The following THBS4 variants were observed in gnomAD, a reference collection of about 807,000 sequenced individuals.
The protein encoded by THBS4 is thrombospondin 4, also known as thrombospondin-4.
A neutral mutation model predicts 115.7 loss-of-function variants in THBS4; 90 were observed. The ratio of observed to expected loss-of-function variants is 0.78; its 90% confidence interval spans 0.66 to 0.93. The LOEUF is 0.93. Ranked by LOEUF, THBS4 falls within the 40% of genes least tolerant of loss-of-function variation. The pLI, the probability that THBS4 is intolerant of heterozygous loss-of-function variation, is 0.00. For missense variants in THBS4, 1,087 were observed against 1,232.7 expected (o/e 0.88, Z 1.77); for synonymous variants, 460 against 479.3 (o/e 0.96, Z 0.53).
At chr5:80,037,986 C>T (rs953060056) in intron 1 of THBS4, among the ~76,000 whole-genome samples, 2 of 152,234 alleles carry the variant, frequency 1.3e-5, no homozygotes, top group Non-Finnish European at 2.9e-5. Flanking sequence ...TGTGTAAGGA[C>T]CCCTGGTACA....
intron 2 of THBS4, chr5:80,053,045 T>C (rs1833302471): frequency 6.6e-6 from 1 of 152,074 alleles, no homozygotes; most frequent in South Asian, 2.1e-4. Flanking sequence ...GTTAAAACAA[T>C]GAAGATGAGC....
In THBS4 at chr5:80,079,135, A is replaced by T. The variant is rs747872624; in HGVS notation, c.2388A>T (p.Ala796=). 1 of 1,614,218 alleles carries T rather than the reference A, an allele frequency of 6.2e-7. No individual in the cohort carries two copies. Among genetic ancestry groups the T allele is most frequent in the South Asian group, 1.1e-5 (1 of 91,080 alleles). Residue 796 remains alanine (A), a synonymous_variant, in exon 19 of 22, where the codon GCA becomes GCT. Transcript: ENST00000350881. The stretch of plus-strand genomic sequence containing the variant: ...ATACCCAGACAGATGATGACTATGC[A>T]GGCTTTATCTTTGGCTACCAAGATA... ...HVNTQTDDDY[A]GFIFGYQDSS... is the part of the protein sequence containing the mutation.
intron 20 of THBS4, 46 bp downstream of exon 20, chr5:80,080,123 T>G: frequency 6.4e-7 from 1 of 1,573,762 alleles, no homozygotes; most frequent in Non-Finnish European, 8.6e-7. Context: ...AAGCAAAGCA[T>G]TCTCCGTTCT....
At chr5:79,995,637 A>G (rs1831776223) in intron 1 of THBS4, among the ~76,000 whole-genome samples, 1 of 152,140 alleles carries the variant, frequency 6.6e-6, no homozygotes, top group South Asian at 2.1e-4. Context: ...AATTGCCCTA[A>G]GAGTTGAGGC....
chr5:80,075,375 A>AG (rs1177961411), intron 15 of THBS4: 1 of 152,176 alleles, frequency 6.6e-6, no homozygotes, highest in East Asian at 1.9e-4. Context: ...ATGTAGGTAA[A>AG]GCTCCCGGCA....
At chr5:80,034,266 T>C (rs1352748851), upstream of THBS4, among the ~76,000 whole-genome samples, 1 of 152,182 alleles carries the variant, frequency 6.6e-6, no homozygotes, top group Non-Finnish European at 1.5e-5. Flanking sequence ...CTCACAAATC[T>C]CCAAGTCGCT....
At chr5:80,027,894 CA>C (rs1159986888) in intron 2 of THBS4, among the ~76,000 whole-genome samples, 352 of 47,718 alleles carry the variant, frequency 7.4e-3, no homozygotes, top group Middle Eastern at 0.016. Flanking sequence ...ACCCTGTCTC[CA>C]AAAAAAAAAA....
rs772256344 is a variant in THBS4, at chr5:80,078,967, T to TGG, written c.2314_2314+1dup. On this transcript the variant is annotated frameshift_variant and splice_region_variant, in exon 18 of 22. Transcript: ENST00000350881. LOFTEE classifies it high-confidence loss of function. ...ATGAACAGTGATCCTGGCCTGGCAG[T>TGG]GGGTATGTCCAGGGCCTCAGTTGCC... 2 of 1,614,120 alleles carry TGG rather than the reference T, an allele frequency of 1.2e-6. No homozygotes were observed. The highest frequency in any genetic ancestry group is 1.7e-6 in the Non-Finnish European group (2 of 1,179,978).
intron 2 of THBS4, among the ~76,000 whole-genome samples, chr5:80,029,887 G>A (rs984567899): frequency 1.3e-5 from 2 of 151,858 alleles, no homozygotes; most frequent in African/African-American, 2.4e-5. Context: ...GGAGAATGGC[G>A]TGAACCCGGG....
intron 15 of THBS4, chr5:80,075,517 A>C (rs1743161147): frequency 6.6e-6 from 1 of 152,196 alleles, no homozygotes; most frequent in South Asian, 2.1e-4. Context: ...GGAAGGTGGG[A>C]CTGTATCCTG....
rs1445139227 is a variant in THBS4 at position 80,059,848 on chromosome 5, T to A, written c.930T>A (p.Cys310Ter). The A allele has an allele frequency of 6.2e-7, 1 of 1,614,128 alleles. No individual in the cohort carries two copies. The highest frequency in any genetic ancestry group is 1.3e-5 in the African/African-American group (1 of 75,026). The change falls in exon 7 of 22, where the codon TGT becomes TGA. Residue 310 changes from cysteine (C) to a stop codon, truncating the protein, a stop_gained. Transcript: ENST00000350881. LOFTEE classifies it high-confidence loss of function. ...CCGACAGTAGAGATGGCTTCCAGTG[T>A]GGGCCCTGCCCCGAGGGCTACACAG... ...QCTDSRDGFQ[C>*]GPCPEGYTGN...
chr5:80,072,462 C>T lies in THBS4; in HGVS notation c.1839+66C>T, dbSNP rs1004846184. ...CCTCTATGCAAAGACTCATTTAAGACGGGTGTCTAGAAAAACAGCAGAGCC... is the reference window on the plus strand; with the variant it reads ...CCTCTATGCAAAGACTCATTTAAGATGGGTGTCTAGAAAAACAGCAGAGCC... On this transcript the variant is annotated intron_variant, in intron 14 of 21. Coordinates refer to ENST00000350881, the MANE Select transcript of THBS4 (RefSeq NM_003248.6). The T allele has an allele frequency of 2.9e-5, 42 of 1,432,578 alleles. 2 individuals are homozygous for T. The highest frequency in any genetic ancestry group is 1.3e-4 in the South Asian group (11 of 85,530). The allele number at this position is 1,432,578 out of a possible 1,614,324, so 88.7% of individuals were successfully genotyped here.
At chr5:80,013,474 G>T (rs1832187580) in intron 2 of THBS4, among the ~76,000 whole-genome samples, 2 of 152,202 alleles carry the variant, frequency 1.3e-5, no homozygotes, top group Middle Eastern at 3.4e-3. Flanking sequence ...AAGGGGTCTA[G>T]CCAGGATCCT....
At position 80,079,889 on chromosome 5, in the gene THBS4, T is replaced by C. The variant is rs538279032; in HGVS notation, c.2512-16T>C. The stretch of plus-strand genomic sequence containing the variant: ...CCTGTGTCCTGTCCTAAAACCTTGC[T>C]TGTGTCATCATGCAGGCTGTGAAGT... On this transcript the variant is annotated splice_polypyrimidine_tract_variant and intron_variant, in intron 19 of 21. Transcript: ENST00000350881. 2.4e-5 allele frequency: 39 copies of C among 1,613,312 alleles called. No homozygotes were observed. Among genetic ancestry groups the C allele is most frequent in the African/African-American group, 1.7e-4 (13 of 75,046 alleles).
intron 2 of THBS4, among the ~76,000 whole-genome samples, chr5:80,011,624 C>T (rs917990197): frequency 1.1e-4 from 16 of 152,118 alleles, no homozygotes; most frequent in Non-Finnish European, 1.9e-4. Flanking sequence ...AACTGAGAAA[C>T]TGCTTATCCA....
intron 15 of THBS4, among the ~76,000 whole-genome samples, chr5:80,073,830 C>T (rs1232909029): frequency 6.6e-6 from 1 of 152,140 alleles, no homozygotes; most frequent in South Asian, 2.1e-4. Context: ...TAGGGTATAA[C>T]GGTGTCAGAA....
chr5:80,041,472 T>C (rs1159789561), intron 2 of THBS4, among the ~76,000 whole-genome samples: 2 of 152,168 alleles, frequency 1.3e-5, no homozygotes, highest in Non-Finnish European at 1.5e-5. Context: ...TTGAAGCCAG[T>C]GCTCAGTAGA....
intron 2 of THBS4, among the ~76,000 whole-genome samples, chr5:80,027,588 C>G (rs958369058): frequency 6.6e-6 from 1 of 151,994 alleles, no homozygotes; most frequent in Non-Finnish European, 1.5e-5. Flanking sequence ...AATGAAAAAC[C>G]CGTTACAAAA....
chr5:80,014,963 C>T (rs1392244599), intron 2 of THBS4, among the ~76,000 whole-genome samples: 4 of 152,214 alleles, frequency 2.6e-5, no homozygotes, highest in Non-Finnish European at 5.9e-5. Context: ...AATTTTATTT[C>T]ATCACTACCA....
Sources: allele counts gnomAD v4.1 joint callset (sites outside exome capture counted in the v4.1 genomes callset), GRCh38; gene constraint gnomAD v4.1.1; transcripts MANE v1.5; gene names NCBI Gene and HGNC (gene_info 2026-07-23, HGNC 2026-07-21).